PLA2G6: variants seen among roughly 807,000 people sequenced by gnomAD.
The protein encoded by PLA2G6 is 85/88 kDa calcium-independent phospholipase A2.
In PLA2G6, 62 loss-of-function variants were observed where a neutral mutation model predicts 83.8. The observed-to-expected ratio is 0.74, with a 90% CI of 0.60 to 0.91. The LOEUF (loss-of-function observed/expected upper bound fraction) is 0.91. Among genes scored for constraint, PLA2G6 ranks in the 40% least tolerant of loss-of-function variants. PLA2G6 has a pLI of 0.00. For missense variants in PLA2G6, 944 were observed against 1,102.0 expected, an observed-to-expected ratio of 0.86 and a Z score of 2.03; for synonymous variants, 417 against 449.8, an observed-to-expected ratio of 0.93 and a Z score of 0.92.
chr22:38,177,396 C>A (rs975534328), intron 1 of PLA2G6, among the ~76,000 whole-genome samples: 1 of 152,094 alleles, frequency 6.6e-6, no homozygotes, highest in African/African-American at 2.4e-5. Flanking sequence ...CCATCAGCAC[C>A]CACTGCTGCC....
intron 14 of PLA2G6, among the ~76,000 whole-genome samples, chr22:38,114,342 G>A (rs1416379181): frequency 5.9e-5 from 9 of 152,096 alleles, no homozygotes; most frequent in African/African-American, 1.7e-4. Flanking sequence ...CACTATGCCC[G>A]CCTGGCTAAT....
chr22:38,148,660 T>C, intron 2 of PLA2G6: 1 of 678,342 alleles, frequency 1.5e-6, no homozygotes, highest in African/African-American at 1.8e-5. Context: ...ATCTCTTACT[T>C]TGGGTTAGGG....
At chr22:38,150,949 T>C (rs1321118500) in intron 2 of PLA2G6, among the ~76,000 whole-genome samples, 5 of 152,048 alleles carry the variant, frequency 3.3e-5, no homozygotes. Context: ...TAGTCAGGTG[T>C]AGTGGTGCAT....
Position 38,162,615 on chromosome 22 carries a change from G to C in PLA2G6, c.209+6603C>G, listed in dbSNP as rs537257381. ...ATGATAAAGGCCAGCGCGTGGTCAT[G>C]TGAATGTGGAGGGTCAGGAACCAGA... On this transcript the variant is annotated intron_variant, in intron 2 of 16. Coordinates refer to ENST00000332509, the MANE Select transcript of PLA2G6 (RefSeq NM_003560.4). 5.9e-5 allele frequency among the ~76,000 whole-genome samples: 9 copies of C among 152,330 alleles called. No homozygotes were observed. In the East Asian group the frequency reaches 1.5e-3, roughly 26 times the overall value.
intron 2 of PLA2G6, chr22:38,167,995 T>C (rs766157344): frequency 1.2e-5 from 2 of 169,594 alleles, no homozygotes; most frequent in Non-Finnish European, 1.5e-5. Context: ...CTTATCCATT[T>C]TGTTCTGCCA....
At chr22:38,144,836 A>G (rs57559224) in intron 3 of PLA2G6, 15 of 55,522 alleles carry the variant, frequency 2.7e-4, no homozygotes, top group African/African-American at 1.6e-3. Context: ...GTAACATAAA[A>G]TAAAATAAAA....
In PLA2G6 at chr22:38,128,315, G is replaced by A; in HGVS notation, c.1302C>T (p.Phe434=). Residue 434 remains phenylalanine, a synonymous_variant, in exon 9 of 17, where the codon TTC becomes TTT. Coordinates refer to ENST00000332509, the MANE Select transcript of PLA2G6 (RefSeq NM_003560.4). This position sits in a 1 kb window ranked among gnomAD's most constrained non-coding sequence, Gnocchi z 4.4. ...GTGGGGGCTGAGCTCTTTCCAGGGA[G>A]AAGGGATGATGTGGCGCTGCAGAGC... is the stretch of plus-strand genomic sequence containing the variant. The part of the protein sequence containing the change: ...EQGSAAPHHP[F]SLERAQPPPI... The A allele has an allele frequency of 6.2e-7, 1 of 1,613,286 alleles. No homozygotes were observed. Among genetic ancestry groups the A allele is most frequent in the South Asian group, 1.1e-5 (1 of 91,040 alleles).
intron 1 of PLA2G6, among the ~76,000 whole-genome samples, chr22:38,174,693 C>A (rs28653361): frequency 0.31 from 47,237 of 151,930 alleles, 8,038 homozygotes; most frequent in South Asian, 0.43. Flanking sequence ...GATCAGAACA[C>A]GGAGGAAGGC....
chr22:38,175,566 A>G (rs2090601625), intron 1 of PLA2G6, among the ~76,000 whole-genome samples: 1 of 152,180 alleles, frequency 6.6e-6, no homozygotes, highest in South Asian at 2.1e-4. Context: ...AGCGTAGCCC[A>G]TCCTCCCCAC....
chr22:38,181,162 G>C (rs904674925), intron 1 of PLA2G6, among the ~76,000 whole-genome samples: 1 of 152,138 alleles, frequency 6.6e-6, no homozygotes, highest in Non-Finnish European at 1.5e-5. Context: ...GGGAGCAGGA[G>C]GTGGACACAG....
chr22:38,140,606 AT>A, intron 4 of PLA2G6: 1 of 211,604 alleles, frequency 4.7e-6, no homozygotes, highest in Non-Finnish European at 9.8e-6. Flanking sequence ...CACATGAAAC[AT>A]TTCTGAGTCA....
chr22:38,178,946 T>C (rs2090740842), intron 1 of PLA2G6, among the ~76,000 whole-genome samples: 1 of 152,064 alleles, frequency 6.6e-6, no homozygotes, highest in Admixed American at 6.6e-5. Flanking sequence ...ACAGAGCTAC[T>C]AATAATAAAG....
intron 5 of PLA2G6, chr22:38,138,419 G>C (rs1380349761): frequency 6.6e-6 from 1 of 152,326 alleles, no homozygotes; most frequent in Non-Finnish European, 1.5e-5. Context: ...CATGGGGCTA[G>C]CAAGGTGGAT....
intron 2 of PLA2G6, among the ~76,000 whole-genome samples, chr22:38,156,465 T>TG (rs2089783676): frequency 6.6e-6 from 1 of 151,782 alleles, no homozygotes; most frequent in South Asian, 2.1e-4. Context: ...GTTATTATTT[T>TG]TTTTTTGAGA....
At chr22:38,121,808 C>T (rs750999266) in intron 11 of PLA2G6, among the ~76,000 whole-genome samples, 7 of 152,190 alleles carry the variant, frequency 4.6e-5, no homozygotes, top group African/African-American at 1.4e-4. Context: ...CCTGCTCAGA[C>T]CTCGTGCCCG....
In PLA2G6 at chr22:38,115,716, A is replaced by C. The variant is rs1195904483; in HGVS notation, c.1880-35T>G. The C allele has an allele frequency of 3.8e-6, 6 of 1,573,916 alleles. No individual in the cohort carries two copies. In the South Asian group the frequency reaches 5.7e-5, roughly 15 times the overall value. On this transcript the variant is annotated intron_variant, in intron 13 of 16. Transcript: ENST00000332509. ...GGGAAGGAGGGCGGCCCAGTGGCAC[A>C]AGGGACTGGCATAAAACCCATGCAC...
chr22:38,120,872 G>A lies in PLA2G6; in HGVS notation c.1629C>T (p.Arg543=), dbSNP rs1401112408. 5.6e-6 allele frequency: 9 copies of A among 1,613,734 alleles called. No individual in the cohort carries two copies. Among genetic ancestry groups the A allele is most frequent in the Non-Finnish European group, 7.6e-6 (9 of 1,180,038 alleles). Residue 543 remains arginine (R), a synonymous_variant, in exon 12 of 17, where the codon CGC becomes CGT. Transcript: ENST00000332509. ...SMAYMRGMYF[R]MKDEVFRGSR... is the part of the protein sequence containing the mutation. ...AGCCCCGGAACACCTCATCCTTCAT[G>A]CGAAAGTACATGCCGCGCATGTAGG...
intron 2 of PLA2G6, chr22:38,148,241 T>C (rs550468748): frequency 4.0e-5 from 17 of 423,652 alleles, no homozygotes; most frequent in African/African-American, 1.0e-4. Flanking sequence ...ATTGCAAAGA[T>C]AGATATTTTT....
rs1416924105 is a variant in PLA2G6 at position 38,145,565 on chromosome 22, G to A, written c.298C>T (p.Gln100Ter). The change falls in exon 3 of 17, where the codon CAG becomes TAG. Residue 100 changes from glutamine to a stop codon, truncating the protein, a stop_gained. Coordinates refer to ENST00000332509, the MANE Select transcript of PLA2G6 (RefSeq NM_003560.4). LOFTEE classifies it high-confidence loss of function. ...TGCAGGACCTCAGTGTGCAGGACCT[G>A]AGGGGAGCTCTCATAGAAGGGTAGC... ...QLLPFYESSP[Q>*]VLHTEVLQHL... 1.2e-6 allele frequency: 2 copies of A among 1,613,860 alleles called. No individual in the cohort carries two copies. The highest frequency in any genetic ancestry group is 1.7e-6 in the Non-Finnish European group (2 of 1,179,830).
Sources: allele counts gnomAD v4.1 joint callset (sites outside exome capture counted in the v4.1 genomes callset), GRCh38; gene constraint gnomAD v4.1.1; non-coding constraint Gnocchi (gnomAD v3.1); transcripts MANE v1.5; gene names NCBI Gene and HGNC (gene_info 2026-07-23, HGNC 2026-07-21).